Variants in ERBB4 observed in about 807,000 individuals in gnomAD.
ERBB4 encodes the protein receptor tyrosine-protein kinase erbB-4.
ERBB4 carries 42 observed loss-of-function variants against 158.0 expected under a neutral mutation model. The ratio of observed to expected loss-of-function variants is 0.27; its 90% CI spans 0.21 to 0.34. The LOEUF (loss-of-function observed/expected upper bound fraction) is 0.34. Among genes scored for constraint, ERBB4 ranks in the 10% least tolerant of loss-of-function variants. The pLI is 1.00. For synonymous variants in ERBB4, 583 were observed against 558.7 expected (o/e 1.04, Z -0.61); for missense variants, 1,333 against 1,624.1 (o/e 0.82, Z 3.08).
At chr2:211,766,132 A>G (rs918887814) in intron 4 of ERBB4, among the ~76,000 whole-genome samples, 9 of 152,134 alleles carry the variant, frequency 5.9e-5, no homozygotes, top group African/African-American at 1.9e-4. Context: ...TTTTCTCTCC[A>G]TTTTTCTCCT....
chr2:212,495,466 T>A (rs1396619833), intron 1 of ERBB4, among the ~76,000 whole-genome samples: 1 of 152,202 alleles, frequency 6.6e-6, no homozygotes, highest in Non-Finnish European at 1.5e-5. Flanking sequence ...AAAGGGCATT[T>A]TCAACCCTAC....
chr2:212,382,515 T>C (rs757097051), intron 1 of ERBB4, among the ~76,000 whole-genome samples: 1 of 150,928 alleles, frequency 6.6e-6, no homozygotes, highest in Non-Finnish European at 1.5e-5. Flanking sequence ...TGTTTGTAAA[T>C]GTATCTAGTA....
chr2:212,164,959 T>G (rs1488109893), intron 1 of ERBB4, among the ~76,000 whole-genome samples: 2 of 148,452 alleles, frequency 1.3e-5, no homozygotes, highest in African/African-American at 5.3e-5. Flanking sequence ...TGAAGAAATT[T>G]TTCTTTTTCG....
At chr2:212,001,430 A>G (rs565599199) in intron 2 of ERBB4, among the ~76,000 whole-genome samples, 23 of 152,100 alleles carry the variant, frequency 1.5e-4, no homozygotes, top group Non-Finnish European at 3.1e-4. Context: ...TTGCTCCAGG[A>G]GAATAATATT....
intron 1 of ERBB4, among the ~76,000 whole-genome samples, chr2:212,402,174 A>G (rs1037689292): frequency 2.6e-5 from 4 of 152,162 alleles, no homozygotes; most frequent in African/African-American, 9.6e-5. Context: ...CAGAAAACTC[A>G]GCATAAAAAA....
chr2:212,278,280 T>C (rs1296809911), intron 1 of ERBB4, among the ~76,000 whole-genome samples: 1 of 151,800 alleles, frequency 6.6e-6, no homozygotes, highest in East Asian at 1.9e-4. Context: ...CTTCTGTTCA[T>C]GGGCCAACTC....
intron 18 of ERBB4, 136 bp downstream of exon 18, chr2:211,623,786 T>C: frequency 1.2e-6 from 1 of 818,700 alleles, no homozygotes. Context: ...TGCAGCAACT[T>C]CTCAATATTA....
At chr2:212,017,001 T>A (rs1244189859) in intron 2 of ERBB4, among the ~76,000 whole-genome samples, 3 of 152,134 alleles carry the variant, frequency 2.0e-5, no homozygotes, top group African/African-American at 7.2e-5. Flanking sequence ...ACAAATTATT[T>A]TTAAAATGTC....
intron 13 of ERBB4, among the ~76,000 whole-genome samples, chr2:211,678,318 C>CAAAAAAAAAAAAAAA (rs60505220): frequency 6.9e-6 from 1 of 144,354 alleles, no homozygotes; most frequent in African/African-American, 2.6e-5. Context: ...AACAAACAAA[C>CAAAAAAAAAAAAAAA]AAAAAAAAAA....
chr2:212,114,605 T>A (rs183526452), intron 2 of ERBB4, among the ~76,000 whole-genome samples: 1 of 152,340 alleles, frequency 6.6e-6, no homozygotes. Context: ...TGTGTTTGTC[T>A]TTCATGAATG....
intron 1 of ERBB4, among the ~76,000 whole-genome samples, chr2:212,159,806 C>T (rs576282507): frequency 2.6e-5 from 4 of 152,072 alleles, no homozygotes; most frequent in South Asian, 2.1e-4. Context: ...ATGCTACGTA[C>T]ATCCATATTC....
chr2:211,812,181 T>G (rs2076772144), intron 3 of ERBB4, among the ~76,000 whole-genome samples: 1 of 152,206 alleles, frequency 6.6e-6, no homozygotes, highest in Non-Finnish European at 1.5e-5. Context: ...CCTTTGGTCT[T>G]TGATGATGGT....
intron 2 of ERBB4, among the ~76,000 whole-genome samples, chr2:212,104,879 C>T (rs768235410): frequency 4.6e-5 from 7 of 152,106 alleles, no homozygotes; most frequent in African/African-American, 9.7e-5. Flanking sequence ...AGATTCTATA[C>T]GTTTTACCAT....
At chr2:211,758,509 C>G (rs910253653) in intron 4 of ERBB4, among the ~76,000 whole-genome samples, 1 of 152,164 alleles carries the variant, frequency 6.6e-6, no homozygotes, top group Non-Finnish European at 1.5e-5. Flanking sequence ...GCTGCTAGCA[C>G]AAAGTAGAAT....
chr2:211,823,546 A>T (rs1289440729), intron 3 of ERBB4, among the ~76,000 whole-genome samples: 1 of 151,976 alleles, frequency 6.6e-6, no homozygotes, highest in African/African-American at 2.4e-5. Flanking sequence ...CATTCCTAGC[A>T]GAATTCACTT....
chr2:211,491,448 A>G (rs1401698716), intron 20 of ERBB4, among the ~76,000 whole-genome samples: 3 of 152,060 alleles, frequency 2.0e-5, no homozygotes, highest in Non-Finnish European at 4.4e-5. Flanking sequence ...ATTCATTTCA[A>G]TAAGGCTAAT....
intron 3 of ERBB4, among the ~76,000 whole-genome samples, chr2:211,906,532 T>TAATGAGAA (rs1321928149): frequency 6.6e-5 from 10 of 151,984 alleles, no homozygotes; most frequent in Non-Finnish European, 8.8e-5. Flanking sequence ...AATATTGATA[T>TAATGAGAA]CTATGATAGA....
intron 3 of ERBB4, among the ~76,000 whole-genome samples, chr2:211,850,339 C>G (rs556473005): frequency 2.0e-4 from 30 of 151,644 alleles, no homozygotes; most frequent in Non-Finnish European, 4.3e-4. Context: ...TATTCATATA[C>G]ATATTCATAT....
chr2:212,142,760 CAT>C (rs1316523580), intron 1 of ERBB4, among the ~76,000 whole-genome samples: 1 of 151,760 alleles, frequency 6.6e-6, no homozygotes, highest in Non-Finnish European at 1.5e-5. Flanking sequence ...CACAGTGCCT[CAT>C]GTGCTGCTGA....
Sources: gnomAD v4.1 joint callset for allele counts (sites outside exome capture counted in the v4.1 genomes callset) on GRCh38, gnomAD v4.1.1 for gene constraint, MANE v1.5 for transcripts, NCBI Gene and HGNC (gene_info 2026-07-23, HGNC 2026-07-21) for gene names.